The following SH3GL3 variants were observed in gnomAD, a reference collection of about 807,000 sequenced individuals.
SH3GL3 encodes endophilin-A3.
A neutral mutation model predicts 47.7 loss-of-function variants in SH3GL3; 33 were observed. That is an observed-to-expected ratio of 0.69 (90% confidence interval 0.52 to 0.92). SH3GL3 has a LOEUF of 0.92. SH3GL3 is among the 40% of genes least tolerant of loss of function. The pLI, the probability that SH3GL3 is intolerant of heterozygous loss-of-function variation, is 0.00. For missense variants in SH3GL3, 363 were observed against 417.8 expected, an observed-to-expected ratio of 0.87 and a Z score of 1.14; for synonymous variants, 155 against 148.8, an observed-to-expected ratio of 1.04 and a Z score of -0.30.
At chr15:83,547,086 G>C (rs980245363) in intron 1 of SH3GL3, among the ~76,000 whole-genome samples, 20 of 152,200 alleles carry the variant, frequency 1.3e-4, no homozygotes, top group African/African-American at 4.8e-4. Context: ...ATGCACCCCA[G>C]TTCCACTGGC....
intron 1 of SH3GL3, among the ~76,000 whole-genome samples, chr15:83,491,900 TC>T (rs2041888742): frequency 1.3e-5 from 2 of 152,150 alleles, no homozygotes. Flanking sequence ...AGCCCATACT[TC>T]CTATGTGGTG....
At chr15:83,587,350 G>A (rs1456481093) in intron 7 of SH3GL3, among the ~76,000 whole-genome samples, 3 of 150,816 alleles carry the variant, frequency 2.0e-5, no homozygotes, top group South Asian at 4.2e-4. Context: ...TTTGTGACCC[G>A]TGTTTAGGGC....
At chr15:83,467,012 G>T (rs140396894) in intron 1 of SH3GL3, among the ~76,000 whole-genome samples, 297 of 152,222 alleles carry the variant, frequency 2.0e-3, no homozygotes, top group Non-Finnish European at 3.9e-3. Flanking sequence ...TCATCCTCTT[G>T]AATCAGATCT....
chr15:83,604,124 C>A (rs1458534580), intron 8 of SH3GL3, among the ~76,000 whole-genome samples: 3 of 151,120 alleles, frequency 2.0e-5, no homozygotes, highest in African/African-American at 7.3e-5. Flanking sequence ...CCAGGCTGGG[C>A]AACAAGAGTG....
At chr15:83,591,950 GCT>G (rs2060117221) in intron 8 of SH3GL3, among the ~76,000 whole-genome samples, 1 of 152,196 alleles carries the variant, frequency 6.6e-6, no homozygotes, top group East Asian at 1.9e-4. Flanking sequence ...TGGGATTACA[GCT>G]GTGAGCCACC....
At chr15:83,514,645 A>G (rs1158095648) in intron 1 of SH3GL3, among the ~76,000 whole-genome samples, 1 of 152,190 alleles carries the variant, frequency 6.6e-6, no homozygotes, top group Non-Finnish European at 1.5e-5. Context: ...GGATGATATG[A>G]TTGCAAAAAA....
intron 1 of SH3GL3, among the ~76,000 whole-genome samples, chr15:83,495,734 C>T (rs1041178208): frequency 6.6e-6 from 1 of 151,726 alleles, no homozygotes; most frequent in African/African-American, 2.4e-5. Context: ...GAGACTCGGT[C>T]TCAAAAGAAA....
chr15:83,482,401 T>C (rs936341974), intron 1 of SH3GL3, among the ~76,000 whole-genome samples: 1 of 152,122 alleles, frequency 6.6e-6, no homozygotes, highest in Non-Finnish European at 1.5e-5. Flanking sequence ...TCTATACCGG[T>C]GGAAATCTTG....
intron 1 of SH3GL3, among the ~76,000 whole-genome samples, chr15:83,463,767 CTTTTTTTTT>C (rs910419812): frequency 8.1e-6 from 1 of 122,924 alleles, no homozygotes; most frequent in South Asian, 2.5e-4. Flanking sequence ...TTCTTTCTTT[CTTTTTTTTT>C]TTTTTTTTTT....
chr15:83,553,383 T>G (rs1031601373), intron 1 of SH3GL3, among the ~76,000 whole-genome samples: 10 of 152,228 alleles, frequency 6.6e-5, no homozygotes, highest in African/African-American at 1.9e-4. Context: ...AAATTCACTC[T>G]ATTATTATTT....
chr15:83,594,616 C>T (rs1329024478), intron 8 of SH3GL3, among the ~76,000 whole-genome samples: 1 of 152,210 alleles, frequency 6.6e-6, no homozygotes, highest in Non-Finnish European at 1.5e-5. Context: ...GCCTCTCTTG[C>T]TGTGGCAGCT....
intron 8 of SH3GL3, among the ~76,000 whole-genome samples, chr15:83,616,844 AAAG>A (rs892401803): frequency 6.6e-6 from 1 of 152,026 alleles, no homozygotes; most frequent in Non-Finnish European, 1.5e-5. Flanking sequence ...GAAGAGATGA[AAAG>A]AAGAGAAGGA....
chr15:83,561,987 T>C (rs901147386), intron 2 of SH3GL3, among the ~76,000 whole-genome samples: 2 of 151,642 alleles, frequency 1.3e-5, no homozygotes, highest in African/African-American at 4.9e-5. Flanking sequence ...TTTGGCAGGA[T>C]ATTTGCATAG....
At chr15:83,588,637 G>T (rs2060011712) in intron 7 of SH3GL3, 25 bp from the exon 8 acceptor site, 1 of 1,360,498 alleles carries the variant, frequency 7.4e-7, no homozygotes, top group African/African-American at 1.4e-5. Flanking sequence ...CAGATGTCTG[G>T]CTCATCTTAC....
chr15:83,532,246 T>C (rs1029817151), intron 1 of SH3GL3, among the ~76,000 whole-genome samples: 3 of 152,076 alleles, frequency 2.0e-5, no homozygotes, highest in Middle Eastern at 3.2e-3. Context: ...TGTGAAAAAA[T>C]TGAAGTTTGA....
chr15:83,594,428 C>T (rs1487782363), intron 8 of SH3GL3, among the ~76,000 whole-genome samples: 1 of 152,174 alleles, frequency 6.6e-6, no homozygotes, highest in South Asian at 2.1e-4. Flanking sequence ...TACTCCTCCA[C>T]TCTTCTATAT....
At chr15:83,479,563 T>C (rs1309770315) in intron 1 of SH3GL3, among the ~76,000 whole-genome samples, 2 of 152,116 alleles carry the variant, frequency 1.3e-5, no homozygotes, top group African/African-American at 4.8e-5. Context: ...AGCTGGGGGA[T>C]TTATCTACCA....
rs532893447 is a variant in SH3GL3 at position 83,485,872 on chromosome 15, G to C, written c.45+38294G>C. On this transcript the variant is annotated intron_variant, in intron 1 of 8. Transcript: ENST00000427482. ...TATTATGAGGAATTTTATACATACA[G>C]AAAACTAAAGAGAAAAATACTATGA... 1.8e-4 allele frequency among the ~76,000 whole-genome samples: 27 copies of C among 152,248 alleles called. No individual in the cohort carries two copies. The East Asian group carries it at 4.4e-3, about 25-fold the overall frequency.
intron 2 of SH3GL3, among the ~76,000 whole-genome samples, chr15:83,562,030 A>AACACAC (rs55856428): frequency 0.03 from 4,046 of 132,886 alleles, 100 homozygotes; most frequent in East Asian, 0.041. Context: ...ACACACACAC[A>AACACAC]ACACACACAC....
Sources: allele counts gnomAD v4.1 joint callset (sites outside exome capture counted in the v4.1 genomes callset), GRCh38; gene constraint gnomAD v4.1.1; transcripts MANE v1.5; gene names NCBI Gene and HGNC (gene_info 2026-07-23, HGNC 2026-07-21).